Variants in MDGA2 observed in about 807,000 individuals in gnomAD.
The protein encoded by MDGA2 is MAM domain-containing glycosylphosphatidylinositol anchor protein 2.
A neutral mutation model predicts 117.8 loss-of-function variants in MDGA2; 40 were observed. That is an observed-to-expected ratio of 0.34 (90% CI 0.26 to 0.44). The LOEUF (loss-of-function observed/expected upper bound fraction) is 0.44, where lower values mean the gene tolerates loss of function less well. MDGA2 is among the 20% of genes least tolerant of loss of function. MDGA2 has a pLI of 1.00. For synonymous variants in MDGA2, 452 were observed against 439.0 expected, an observed-to-expected ratio of 1.03 and a Z score of -0.37; for missense variants, 1,123 against 1,250.6, an observed-to-expected ratio of 0.90 and a Z score of 1.54.
intron 3 of MDGA2, among the ~76,000 whole-genome samples, chr14:47,205,420 G>A (rs544609330): frequency 3.9e-5 from 6 of 151,964 alleles, no homozygotes; most frequent in African/African-American, 1.4e-4. Context: ...CAAGCCTAAT[G>A]GGTATTCAGA....
chr14:47,126,504 C>T lies in MDGA2; in HGVS notation c.925+5210G>A, dbSNP rs112245418. On this transcript the variant is annotated intron_variant, in intron 5 of 16. Coordinates refer to ENST00000399232, the MANE Select transcript of MDGA2 (RefSeq NM_001113498.3). The stretch of plus-strand genomic sequence containing the variant: ...GAGTCAACAAATTAATTAACACTTT[C>T]TCTGGCTGATATACAATTATGAGTT... 5.4e-3 allele frequency among the ~76,000 whole-genome samples: 826 copies of T among 152,168 alleles called. 8 individuals are homozygous for T. Among genetic ancestry groups the T allele is most frequent in the Non-Finnish European group, 9.7e-3 (659 of 67,960 alleles).
At chr14:47,151,326 T>C (rs984319815) in intron 3 of MDGA2, among the ~76,000 whole-genome samples, 2 of 152,206 alleles carry the variant, frequency 1.3e-5, no homozygotes, top group African/African-American at 4.8e-5. Context: ...GTGAGGTGGC[T>C]CTTGCCAGCT....
intron 10 of MDGA2, among the ~76,000 whole-genome samples, chr14:46,897,586 C>A (rs901794748): frequency 1.6e-5 from 2 of 124,406 alleles, no homozygotes; most frequent in African/African-American, 5.6e-5. Context: ...CCTATACCTG[C>A]CTCATTGAGT....
At chr14:47,351,411 C>T (rs1184894891) in intron 1 of MDGA2, among the ~76,000 whole-genome samples, 4 of 152,038 alleles carry the variant, frequency 2.6e-5, no homozygotes, top group African/African-American at 4.8e-5. Context: ...ATGATGGGCA[C>T]CAAACTGACA....
At chr14:47,137,435 C>T (rs549985269) in intron 4 of MDGA2, among the ~76,000 whole-genome samples, 2 of 152,102 alleles carry the variant, frequency 1.3e-5, no homozygotes, top group South Asian at 4.2e-4. Flanking sequence ...GATTAATGTC[C>T]TGAGGGGGGC....
At chr14:47,629,750 C>T (rs1897219043) in intron 1 of MDGA2, among the ~76,000 whole-genome samples, 1 of 152,182 alleles carries the variant, frequency 6.6e-6, no homozygotes, top group African/African-American at 2.4e-5. Context: ...TGCATCCTTT[C>T]TTCCTAAAGG....
chr14:47,647,266 T>C (rs1376254771), intron 1 of MDGA2, among the ~76,000 whole-genome samples: 2 of 152,184 alleles, frequency 1.3e-5, no homozygotes, highest in Non-Finnish European at 2.9e-5. Flanking sequence ...AAAAGTTTTC[T>C]ATTAATTGCA....
intron 1 of MDGA2, among the ~76,000 whole-genome samples, chr14:47,360,391 A>T (rs1029774839): frequency 8.1e-6 from 1 of 122,932 alleles, no homozygotes; most frequent in East Asian, 2.2e-4. Context: ...ATAAATAAAT[A>T]AAATAAAATA....
intron 10 of MDGA2, among the ~76,000 whole-genome samples, chr14:46,901,314 C>T (rs1318473029): frequency 6.6e-6 from 1 of 151,602 alleles, no homozygotes; most frequent in East Asian, 1.9e-4. Flanking sequence ...GCACATGTAC[C>T]CTAAAACTTA....
intron 1 of MDGA2, among the ~76,000 whole-genome samples, chr14:47,375,918 T>C (rs181655772): frequency 6.6e-6 from 1 of 152,284 alleles, no homozygotes; most frequent in East Asian, 1.9e-4. Flanking sequence ...CTATTACCTA[T>C]TACCATGTGG....
intron 5 of MDGA2, among the ~76,000 whole-genome samples, chr14:47,123,519 C>T (rs184883695): frequency 9.3e-4 from 142 of 152,128 alleles, no homozygotes; most frequent in African/African-American, 3.1e-3. Flanking sequence ...TGACAGAGCA[C>T]TGAAATGAAG....
At chr14:46,987,687 T>C (rs1033531489) in intron 8 of MDGA2, among the ~76,000 whole-genome samples, 1 of 152,068 alleles carries the variant, frequency 6.6e-6, no homozygotes, top group Non-Finnish European at 1.5e-5. Context: ...GTTAGAACAA[T>C]GCCTCCCTGA....
intron 10 of MDGA2, among the ~76,000 whole-genome samples, chr14:46,894,851 A>G (rs1002173009): frequency 6.6e-6 from 1 of 152,200 alleles, no homozygotes; most frequent in Non-Finnish European, 1.5e-5. Context: ...TATGAAAGAA[A>G]AACTTGCTTC....
intron 1 of MDGA2, among the ~76,000 whole-genome samples, chr14:47,525,563 T>C (rs1244592808): frequency 6.6e-6 from 1 of 152,036 alleles, no homozygotes; most frequent in Non-Finnish European, 1.5e-5. Flanking sequence ...CACACAGCTG[T>C]GGCCCCAGCT....
intron 1 of MDGA2, among the ~76,000 whole-genome samples, chr14:47,470,120 A>ATTT (rs35293636): frequency 6.7e-6 from 1 of 148,508 alleles, no homozygotes; most frequent in African/African-American, 2.5e-5. Flanking sequence ...ATTTATTTTT[A>ATTT]TTTTTTTTTT....
chr14:47,657,423 G>A (rs1055506599), intron 1 of MDGA2, among the ~76,000 whole-genome samples: 5 of 152,124 alleles, frequency 3.3e-5, no homozygotes, highest in Non-Finnish European at 5.9e-5. Flanking sequence ...TCCATATACT[G>A]AATAGCAAAA....
At chr14:47,594,047 T>C (rs1896491704) in intron 1 of MDGA2, among the ~76,000 whole-genome samples, 1 of 152,144 alleles carries the variant, frequency 6.6e-6, no homozygotes, top group Admixed American at 6.6e-5. Flanking sequence ...CTAGGACTTT[T>C]CAGGATAAAA....
intron 12 of MDGA2, 114 bp from the exon 13 acceptor site, chr14:46,874,314 A>G: frequency 2.2e-6 from 1 of 455,538 alleles, no homozygotes; most frequent in Non-Finnish European, 3.6e-6. Context: ...GATTGTGACA[A>G]TGGCATGAGA....
intron 4 of MDGA2, among the ~76,000 whole-genome samples, chr14:47,142,713 G>A (rs563018977): frequency 4.6e-5 from 7 of 152,046 alleles, no homozygotes; most frequent in East Asian, 1.9e-4. Flanking sequence ...AAAGTACTGC[G>A]GAATGTATGG....
Sources: allele counts gnomAD v4.1 joint callset (sites outside exome capture counted in the v4.1 genomes callset), GRCh38; gene constraint gnomAD v4.1.1; transcripts MANE v1.5; gene names NCBI Gene and HGNC (gene_info 2026-07-23, HGNC 2026-07-21).